Variants in JAZF1 observed in about 807,000 individuals in gnomAD.
JAZF1 encodes JAZF zinc finger 1.
In JAZF1, 8 loss-of-function variants were observed where a neutral mutation model predicts 26.4. That is an observed-to-expected ratio of 0.30 (90% CI 0.18 to 0.55). The LOEUF is 0.55. Ranked by LOEUF, JAZF1 falls within the 20% of genes least tolerant of loss-of-function variation. The probability of loss-of-function intolerance (pLI) is 0.94; values close to 1 mark genes in which losing one functional copy is unlikely to be tolerated. For synonymous variants in JAZF1, 126 were observed against 122.3 expected (o/e 1.03, Z -0.20); for missense variants, 199 against 322.0 (o/e 0.62, Z 2.92).
intron 1 of JAZF1, among the ~76,000 whole-genome samples, chr7:28,168,648 A>G (rs1195894628): frequency 6.6e-6 from 1 of 152,100 alleles, no homozygotes. Flanking sequence ...TTTCACCACC[A>G]CAGGTGCCCT....
At chr7:27,924,602 G>A (rs1477002696) in intron 2 of JAZF1, among the ~76,000 whole-genome samples, 3 of 152,146 alleles carry the variant, frequency 2.0e-5, no homozygotes, top group African/African-American at 7.2e-5. Context: ...GCTTCTCATG[G>A]GAAAGTCAGA....
At chr7:28,084,466 A>G (rs1230686855) in intron 1 of JAZF1, among the ~76,000 whole-genome samples, 1 of 152,214 alleles carries the variant, frequency 6.6e-6, no homozygotes, top group Non-Finnish European at 1.5e-5. Flanking sequence ...GGTTCTGACC[A>G]CGGCCTCCAA....
At chr7:27,852,194 C>T (rs1346758504) in intron 3 of JAZF1, among the ~76,000 whole-genome samples, 3 of 150,428 alleles carry the variant, frequency 2.0e-5, no homozygotes, top group African/African-American at 4.9e-5. Flanking sequence ...TGCAGTGGAG[C>T]GATCTGAGCT....
At chr7:27,898,311 G>GTTT (rs370764659) in intron 2 of JAZF1, among the ~76,000 whole-genome samples, 2,872 of 111,180 alleles carry the variant, frequency 0.026, 239 homozygotes, top group African/African-American at 0.093. Flanking sequence ...ATATACATCG[G>GTTT]TTTTTTTTTT....
At chr7:28,017,701 C>A (rs534123299) in intron 1 of JAZF1, among the ~76,000 whole-genome samples, 1 of 152,322 alleles carries the variant, frequency 6.6e-6, no homozygotes, top group South Asian at 2.1e-4. Flanking sequence ...TGAAATCCTG[C>A]CCTCGTGATG....
chr7:27,945,704 G>A (rs1395833570), intron 2 of JAZF1, among the ~76,000 whole-genome samples: 1 of 152,186 alleles, frequency 6.6e-6, no homozygotes, highest in Non-Finnish European at 1.5e-5. Flanking sequence ...AGACCTATGG[G>A]ATTTGTATGC....
At chr7:27,919,720 G>A (rs1423741450) in intron 2 of JAZF1, among the ~76,000 whole-genome samples, 2 of 152,152 alleles carry the variant, frequency 1.3e-5, no homozygotes, top group African/African-American at 4.8e-5. Flanking sequence ...GACTACAGGA[G>A]TGCTCTGGAA....
intron 1 of JAZF1, among the ~76,000 whole-genome samples, chr7:28,029,390 T>G (rs989564276): frequency 3.3e-5 from 5 of 152,228 alleles, no homozygotes; most frequent in Non-Finnish European, 7.3e-5. Flanking sequence ...CTTTGTCTGT[T>G]GTAAGGAATT....
intron 1 of JAZF1, among the ~76,000 whole-genome samples, chr7:28,174,607 G>A (rs1783520447): frequency 6.6e-6 from 1 of 152,140 alleles, no homozygotes; most frequent in East Asian, 1.9e-4. Context: ...TGTACATTTC[G>A]GTCACATGTC....
intron 2 of JAZF1, among the ~76,000 whole-genome samples, chr7:27,911,208 T>C (rs781026493): frequency 6.6e-6 from 1 of 152,212 alleles, no homozygotes; most frequent in African/African-American, 2.4e-5. Context: ...AGCATTCACA[T>C]TATCCAAGCT....
At chr7:28,062,117 T>A (rs933682255) in intron 1 of JAZF1, among the ~76,000 whole-genome samples, 1 of 152,192 alleles carries the variant, frequency 6.6e-6, no homozygotes, top group Admixed American at 6.5e-5. Context: ...CAAAACAAAA[T>A]GCCCCTGGCT....
intron 1 of JAZF1, among the ~76,000 whole-genome samples, chr7:27,998,961 A>G (rs1786077539): frequency 6.6e-6 from 1 of 152,182 alleles, no homozygotes; most frequent in Non-Finnish European, 1.5e-5. Flanking sequence ...TGACTGCTTG[A>G]ATTTTTCCCC....
intron 3 of JAZF1, among the ~76,000 whole-genome samples, chr7:27,892,216 C>G (rs1394896290): frequency 6.6e-6 from 1 of 152,152 alleles, no homozygotes; most frequent in Non-Finnish European, 1.5e-5. Flanking sequence ...GAAACCATTT[C>G]CCCTGCTAAT....
chr7:28,066,758 C>T (rs966967342), intron 1 of JAZF1, among the ~76,000 whole-genome samples: 2 of 152,070 alleles, frequency 1.3e-5, no homozygotes, highest in Non-Finnish European at 2.9e-5. Context: ...CACCTAATGG[C>T]ACCTTCCAGA....
intron 1 of JAZF1, among the ~76,000 whole-genome samples, chr7:28,178,527 T>C (rs1390092260): frequency 6.6e-6 from 1 of 152,182 alleles, no homozygotes. Context: ...ACTTATATCA[T>C]ACATATTAAT....
chr7:27,873,350 T>C (rs1366074045), intron 3 of JAZF1, among the ~76,000 whole-genome samples: 1 of 152,228 alleles, frequency 6.6e-6, no homozygotes, highest in African/African-American at 2.4e-5. Flanking sequence ...TTAGTTACTT[T>C]GCTTATTAAA....
intron 1 of JAZF1, among the ~76,000 whole-genome samples, chr7:28,063,564 T>C (rs1426306799): frequency 6.6e-6 from 1 of 152,160 alleles, no homozygotes; most frequent in Non-Finnish European, 1.5e-5. Flanking sequence ...ACCCATATAA[T>C]TCAGTGGAAA....
At chr7:28,149,383 C>CT (rs1204521328) in intron 1 of JAZF1, among the ~76,000 whole-genome samples, 2 of 152,142 alleles carry the variant, frequency 1.3e-5, no homozygotes, top group African/African-American at 4.8e-5. Flanking sequence ...AACAGTTCAC[C>CT]TATTTTTTTC....
intron 1 of JAZF1, among the ~76,000 whole-genome samples, chr7:28,034,601 CAA>C (rs763227517): frequency 1.3e-5 from 2 of 151,878 alleles, no homozygotes; most frequent in African/African-American, 4.8e-5. Context: ...AAAGCATTTA[CAA>C]AAGAGACAGC....
Sources: allele counts gnomAD v4.1 joint callset (sites outside exome capture counted in the v4.1 genomes callset), GRCh38; gene constraint gnomAD v4.1.1; transcripts MANE v1.5; gene names NCBI Gene and HGNC (gene_info 2026-07-23, HGNC 2026-07-21).